ZNF331: variants seen among roughly 807,000 people sequenced by gnomAD.
ZNF331 encodes the protein C2H2-like zinc finger protein rearranged in thyroid adenomas.
Under a neutral mutation model 7.0 loss-of-function variants are expected in ZNF331, and 2 were observed. The observed-to-expected ratio is 0.29, with a 90% CI of 0.12 to 0.90. The LOEUF (loss-of-function observed/expected upper bound fraction) is 0.90, where lower values mean the gene tolerates loss of function less well. ZNF331 is among the 40% of genes least tolerant of loss of function. The pLI, the probability that ZNF331 is intolerant of heterozygous loss-of-function variation, is 0.58. For missense variants in ZNF331, 432 were observed against 587.7 expected (o/e 0.74, Z 2.74); for synonymous variants, 196 against 205.4 (o/e 0.95, Z 0.39).
chr19:53,554,533 T>G (rs1746591075), intron 2 of ZNF331: 4 of 152,180 alleles, frequency 2.6e-5, no homozygotes, highest in Non-Finnish European at 1.5e-5. Context: ...CGGGACCGAC[T>G]GTGTGACGCA....
intron 2 of ZNF331, among the ~76,000 whole-genome samples, chr19:53,522,996 T>TTTATTTTTTATTATTGTAG (rs2087144072): frequency 6.6e-6 from 1 of 152,206 alleles, no homozygotes; most frequent in Non-Finnish European, 1.5e-5. Context: ...TGGTCTTTTG[T>TTTATTTTTTATTATTGTAG]TTATTTTTTA....
upstream of ZNF331, among the ~76,000 whole-genome samples, chr19:53,516,638 C>T (rs1355421502): frequency 2.0e-5 from 3 of 151,928 alleles, no homozygotes; most frequent in Non-Finnish European, 4.4e-5. Context: ...GATTCTAGGC[C>T]CTAAACCTAT....
chr19:53,518,296 C>T (rs770008620), upstream of ZNF331, among the ~76,000 whole-genome samples: 2 of 152,020 alleles, frequency 1.3e-5, no homozygotes, highest in East Asian at 1.9e-4. Flanking sequence ...GGTGGTTTGC[C>T]GGGGGCCCTG....
chr19:53,518,971 CT>C (rs2086972783), upstream of ZNF331, among the ~76,000 whole-genome samples: 1 of 152,278 alleles, frequency 6.6e-6, no homozygotes, highest in African/African-American at 2.4e-5. Context: ...ATATCCTTAT[CT>C]GGTTGGATGC....
intron 3 of ZNF331, among the ~76,000 whole-genome samples, chr19:53,557,207 T>G (rs2089491354): frequency 6.6e-6 from 1 of 151,864 alleles, no homozygotes; most frequent in African/African-American, 2.4e-5. Flanking sequence ...ATCCTCCCAT[T>G]TCCACCTCCC....
chr19:53,559,957 C>T (rs1233369142), intron 3 of ZNF331, among the ~76,000 whole-genome samples: 3 of 148,876 alleles, frequency 2.0e-5, no homozygotes, highest in Non-Finnish European at 3.0e-5. Context: ...CACACACACA[C>T]ATATACACCC....
At chr19:53,559,536 G>C (rs115292158) in intron 3 of ZNF331, among the ~76,000 whole-genome samples, 1 of 134,140 alleles carries the variant, frequency 7.5e-6, no homozygotes, top group East Asian at 2.3e-4. Context: ...ATACACACAC[G>C]CCATATATAC....
chr19:53,530,782 C>T (rs1188353949), intron 2 of ZNF331, among the ~76,000 whole-genome samples: 1 of 152,216 alleles, frequency 6.6e-6, no homozygotes, highest in African/African-American at 2.4e-5. Context: ...CAGGGGTAAC[C>T]GGGACCTGAT....
At chr19:53,542,448 T>C (rs2088242208) in intron 2 of ZNF331, among the ~76,000 whole-genome samples, 1 of 152,234 alleles carries the variant, frequency 6.6e-6, no homozygotes. Flanking sequence ...TTAGCAAGAT[T>C]ATTTGTACAA....
upstream of ZNF331, among the ~76,000 whole-genome samples, chr19:53,514,769 G>A (rs1460326913): frequency 6.7e-6 from 1 of 150,266 alleles, no homozygotes; most frequent in African/African-American, 2.5e-5. Context: ...TCCTGCCTCA[G>A]CCTCCCGAGT....
rs1300162079 is a variant in ZNF331, at chr19:53,578,585, G to C, written c.*633G>C. 1 of 209,612 alleles carries C rather than the reference G, an allele frequency of 4.8e-6. No homozygotes were observed. Among genetic ancestry groups the C allele is most frequent in the African/African-American group, 2.3e-5 (1 of 43,876 alleles). The allele number at this position is 209,612 out of a possible 1,614,324, so 13.0% of individuals were successfully genotyped here. On this transcript the variant is annotated 3_prime_UTR_variant, in exon 6 of 6. Transcript: ENST00000449416. ...TAGATATGTATGTACAGGAAAAAAT[G>C]TAGTATATAGTATCGTATATATGTA...
At chr19:53,548,191 C>T (rs1319775873) in intron 2 of ZNF331, among the ~76,000 whole-genome samples, 1 of 152,102 alleles carries the variant, frequency 6.6e-6, no homozygotes, top group Admixed American at 6.6e-5. Flanking sequence ...TCACTGCAAC[C>T]TCCGCCTCCC....
In ZNF331 at chr19:53,567,471, G is replaced by A. The variant is rs73587733; in HGVS notation, c.-73-1833G>A. On this transcript the variant is annotated intron_variant, in intron 3 of 5. Coordinates refer to ENST00000449416, the MANE Select transcript of ZNF331 (RefSeq NM_001079906.2). ...GTTAGCTAATCTATGAGGCTCATGG[G>A]TATGGTCTGCATAGAAGACCACCCT... is the stretch of plus-strand genomic sequence containing the variant. Among the ~76,000 whole-genome samples the A allele has an allele frequency of 5.9e-5, 9 of 152,022 alleles. No individual in the cohort carries two copies. In the East Asian group the frequency reaches 9.6e-4, roughly 16 times the overall value.
the ZNF331 span, among the ~76,000 whole-genome samples, chr19:53,510,438 T>C: frequency 6.6e-6 from 1 of 151,938 alleles, no homozygotes. Flanking sequence ...GAACTTTTTT[T>C]TTTTTTTTTT....
chr19:53,513,901 C>T, the ZNF331 span, among the ~76,000 whole-genome samples: 22 of 152,282 alleles, frequency 1.4e-4, no homozygotes, highest in East Asian at 4.2e-3. Context: ...TGAGCCACCA[C>T]GCCCAGCCCC....
the ZNF331 span, among the ~76,000 whole-genome samples, chr19:53,507,559 A>C: frequency 6.6e-6 from 1 of 152,174 alleles, no homozygotes; most frequent in East Asian, 1.9e-4. Flanking sequence ...ATGGGGTCCC[A>C]AATTTACCAT....
chr19:53,534,561 C>T (rs2087667517), upstream of ZNF331, among the ~76,000 whole-genome samples: 1 of 152,132 alleles, frequency 6.6e-6, no homozygotes, highest in Non-Finnish European at 1.5e-5. Context: ...GCTGGGATTA[C>T]AGGTGTGAGC....
At chr19:53,530,830 G>A (rs1489154699) in intron 2 of ZNF331, among the ~76,000 whole-genome samples, 1 of 152,228 alleles carries the variant, frequency 6.6e-6, no homozygotes, top group Non-Finnish European at 1.5e-5. Flanking sequence ...GCGTGTGTGG[G>A]GTTGATGTGC....
chr19:53,555,227 G>T (rs28640065), intron 2 of ZNF331: 3 of 97,638 alleles, frequency 3.1e-5, no homozygotes, highest in African/African-American at 9.9e-5. Context: ...TCCAGCTTCT[G>T]TGTGCTGGGA....
Sources: gnomAD v4.1 joint callset for allele counts (sites outside exome capture counted in the v4.1 genomes callset) on GRCh38, gnomAD v4.1.1 for gene constraint, MANE v1.5 for transcripts, NCBI Gene and HGNC (gene_info 2026-07-23, HGNC 2026-07-21) for gene names.